COL27A1: variants seen among roughly 807,000 people sequenced by gnomAD.
COL27A1 encodes collagen alpha-1(XXVII) chain.
A neutral mutation model predicts 251.3 loss-of-function variants in COL27A1; 106 were observed. The observed-to-expected ratio is 0.42, with a 90% CI of 0.36 to 0.50. The LOEUF (loss-of-function observed/expected upper bound fraction) is 0.50. COL27A1 is among the 20% of genes least tolerant of loss of function. The pLI is 0.00. For missense variants in COL27A1, 2,325 were observed against 2,522.8 expected (o/e 0.92, Z 1.68); for synonymous variants, 1,000 against 986.3 (o/e 1.01, Z -0.26).
At position 114,168,355 on chromosome 9, in the gene COL27A1, T is replaced by C. The variant is rs369411223; in HGVS notation, c.800T>C (p.Leu267Pro). 12 of 1,613,160 alleles carry C rather than the reference T, an allele frequency of 7.4e-6. No homozygotes were observed. The African/African-American group carries it at 1.5e-4, about 20-fold the overall frequency. Reference protein sequence around the residue: ...PFTFQSDLALLGLENLTTATP... With the variant: ...PFTFQSDLALPGLENLTTATP... Reference sequence around the variant, plus strand: ...ACCTTCCAGTCCGACCTCGCCCTGCTAGGCCTGGAGAACTTGACCACTGCC... The same window carrying C: ...ACCTTCCAGTCCGACCTCGCCCTGCCAGGCCTGGAGAACTTGACCACTGCC... Residue 267 changes from leucine to proline, a missense_variant, in exon 3 of 61, where the codon CTA becomes CCA. By Grantham distance (98) the Leu-to-Pro change is moderately conservative. Around this residue, in one of 4 missense-constraint regions of COL27A1, gnomAD observed 1,183 missense variants for 1,144.1 expected, o/e 1.03. Transcript: ENST00000356083.
In COL27A1 at chr9:114,168,690, A is replaced by T. The variant is rs200179131; in HGVS notation, c.1135A>T (p.Ile379Phe). 540 of 1,614,012 alleles carry T rather than the reference A, an allele frequency of 3.3e-4. 2 individuals carry two copies. Among genetic ancestry groups the T allele is most frequent in the East Asian group, 1.8e-3 (81 of 44,864 alleles). The part of the protein sequence containing the change: ...PTKPSAPSTS[I>F]VPIKSPHPTQ... ...CAAGCCTTCGGCCCCTTCTACTTCA[A>T]TTGTGCCCATCAAAAGCCCCCATCC... The change falls in exon 3 of 61, where the codon ATT (isoleucine) becomes TTT (phenylalanine). Residue 379 changes from isoleucine to phenylalanine, a missense_variant. Transcript: ENST00000356083.
At chr9:114,185,099 T>C (rs1419580800) in intron 5 of COL27A1, among the ~76,000 whole-genome samples, 1 of 152,144 alleles carries the variant, frequency 6.6e-6, no homozygotes, top group African/African-American at 2.4e-5. Flanking sequence ...CTAACAGATG[T>C]GCCATGGTAG....
At chr9:114,231,631 C>T (rs1379913971) in intron 15 of COL27A1, among the ~76,000 whole-genome samples, 191 bp from the exon 16 acceptor site, 2 of 152,210 alleles carry the variant, frequency 1.3e-5, no homozygotes, top group African/African-American at 4.8e-5. Flanking sequence ...TGGTGCACTG[C>T]CTCTCTCACA....
intron 5 of COL27A1, among the ~76,000 whole-genome samples, chr9:114,191,359 C>T (rs1362048693): frequency 1.3e-5 from 2 of 152,008 alleles, no homozygotes; most frequent in African/African-American, 2.4e-5. Context: ...CCTATCAACC[C>T]GTCACCTAGG....
chr9:114,189,230 A>T (rs1308551191), intron 5 of COL27A1, among the ~76,000 whole-genome samples: 1 of 152,174 alleles, frequency 6.6e-6, no homozygotes, highest in Admixed American at 6.5e-5. Flanking sequence ...TCTGGAATTC[A>T]TGTTAATGGG....
intron 1 of COL27A1, among the ~76,000 whole-genome samples, chr9:114,158,588 G>A (rs1415253690): frequency 1.3e-5 from 2 of 152,240 alleles, no homozygotes; most frequent in Admixed American, 6.5e-5. Flanking sequence ...GCAGAGACAA[G>A]GCCCACAAGA....
intron 49 of COL27A1, among the ~76,000 whole-genome samples, chr9:114,293,942 A>G (rs914726186): frequency 6.6e-6 from 1 of 152,170 alleles, no homozygotes. Flanking sequence ...AAACATTTAC[A>G]AAAGAAATAA....
At chr9:114,165,843 CATCCATCCATCCATCCATCCATCA>C (rs1179161710) in intron 2 of COL27A1, among the ~76,000 whole-genome samples, 1 of 150,960 alleles carries the variant, frequency 6.6e-6, no homozygotes, top group Non-Finnish European at 1.5e-5. Flanking sequence ...TCCATCCATC[CATCCATCCATCCATCCATCCATCA>C]ATCCATCCAC....
chr9:114,205,643 T>C, intron 8 of COL27A1, 116 bp from the exon 9 acceptor site: 1 of 958,412 alleles, frequency 1.0e-6, no homozygotes, highest in South Asian at 1.3e-5. Flanking sequence ...TCCTGTTCCA[T>C]CTCACATTCC....
chr9:114,240,294 G>T (rs1314216406), intron 20 of COL27A1, 21 bp downstream of exon 20: 2 of 1,587,776 alleles, frequency 1.3e-6, no homozygotes, highest in East Asian at 4.5e-5. Flanking sequence ...GCCCAGGGCA[G>T]CTCCAGTTGG....
chr9:114,301,835 C>CTAT, intron 55 of COL27A1, 118 bp downstream of exon 55: 2 of 1,052,016 alleles, frequency 1.9e-6, no homozygotes, highest in Non-Finnish European at 2.8e-6. Context: ...TCTTGTAGCC[C>CTAT]ACAGACTCCT....
chr9:114,243,445 C>G, intron 22 of COL27A1, 62 bp from the exon 23 acceptor site: 19 of 1,448,178 alleles, frequency 1.3e-5, no homozygotes, highest in Non-Finnish European at 1.8e-5. Context: ...CCTTGGAGCC[C>G]CTGGACCCCA....
At position 114,206,232 on chromosome 9, in the gene COL27A1, C is replaced by T. The variant is rs41312204; in HGVS notation, c.2224-20C>T. 120,162 of 1,613,034 alleles carry T rather than the reference C, an allele frequency of 0.074. 5,056 individuals carry two copies. Among genetic ancestry groups the T allele is most frequent in the African/African-American group, 0.17 (12,748 of 75,010 alleles). On this transcript the variant is annotated intron_variant, in intron 9 of 60. Coordinates refer to ENST00000356083, the MANE Select transcript of COL27A1 (RefSeq NM_032888.4). ...AGAGCGTCTCCATATGTCCTTGCCC[C>T]TCTGTGTTTTGTGTTTCAGGGGTTA... is the stretch of plus-strand genomic sequence containing the variant.
intron 16 of COL27A1, among the ~76,000 whole-genome samples, chr9:114,233,843 AAGAG>A (rs757752174): frequency 2.0e-5 from 3 of 152,174 alleles, no homozygotes; most frequent in African/African-American, 7.2e-5. Context: ...TAGGGGAAAA[AAGAG>A]AGAGAGGGGG....
intron 5 of COL27A1, among the ~76,000 whole-genome samples, chr9:114,188,679 A>G (rs1377137031): frequency 6.6e-6 from 1 of 152,208 alleles, no homozygotes; most frequent in African/African-American, 2.4e-5. Flanking sequence ...TATGCCTTGC[A>G]CATGAGAGAC....
chr9:114,209,616 G>T (rs1830209310), intron 10 of COL27A1, 59 bp from the exon 11 acceptor site: 11 of 1,538,046 alleles, frequency 7.2e-6, no homozygotes, highest in Non-Finnish European at 9.9e-6. Flanking sequence ...GCTGCGGCAG[G>T]TTGGGCCAGC....
intron 1 of COL27A1, 127 bp downstream of exon 1, chr9:114,156,139 C>T (rs1201952497): frequency 1.4e-5 from 18 of 1,253,336 alleles, no homozygotes; most frequent in Admixed American, 3.2e-5. Flanking sequence ...CCTGCGCCCC[C>T]GCGAGGCGGG....
At chr9:114,200,560 T>C (rs1829490975) in intron 7 of COL27A1, among the ~76,000 whole-genome samples, 1 of 152,166 alleles carries the variant, frequency 6.6e-6, no homozygotes, top group African/African-American at 2.4e-5. Context: ...CCTGGAGCCG[T>C]CTCAGGCATC....
chr9:114,281,492 T>C (rs912017141), intron 37 of COL27A1, among the ~76,000 whole-genome samples: 3 of 152,178 alleles, frequency 2.0e-5, no homozygotes, highest in Admixed American at 6.5e-5. Context: ...TCAGAGGGAA[T>C]GGCCTGGGGA....
Sources: allele counts gnomAD v4.1 joint callset (sites outside exome capture counted in the v4.1 genomes callset), GRCh38; gene constraint gnomAD v4.1.1; regional missense constraint gnomAD v4.1.1; transcripts MANE v1.5; gene names NCBI Gene and HGNC (gene_info 2026-07-23, HGNC 2026-07-21).